The following PHF24 variants were observed in gnomAD, a reference collection of about 807,000 sequenced individuals.
The protein encoded by PHF24 is Galpha inhibitory interacting protein.
A neutral mutation model predicts 42.6 loss-of-function variants in PHF24; 25 were observed. The ratio of observed to expected loss-of-function variants is 0.59; its 90% CI spans 0.43 to 0.82. The LOEUF (loss-of-function observed/expected upper bound fraction) is 0.82. Among genes scored for constraint, PHF24 ranks in the 40% least tolerant of loss-of-function variants. PHF24 has a pLI of 0.00. For missense variants in PHF24, 470 were observed against 538.1 expected (o/e 0.87, Z 1.25); for synonymous variants, 185 against 204.8 (o/e 0.90, Z 0.83).
the PHF24 span, among the ~76,000 whole-genome samples, chr9:34,765,527 G>A: frequency 3.4e-3 from 504 of 149,756 alleles, 6 homozygotes; most frequent in African/African-American, 0.011. Flanking sequence ...TGCAACCCCT[G>A]CCTTTTTTTG....
At chr9:34,668,693 A>G in the PHF24 span, among the ~76,000 whole-genome samples, 1 of 152,336 alleles carries the variant, frequency 6.6e-6, no homozygotes, top group Admixed American at 6.5e-5. Context: ...AGAAAAAGCT[A>G]CATACCTCCC....
the PHF24 span, among the ~76,000 whole-genome samples, chr9:34,902,017 T>A: frequency 6.6e-6 from 1 of 152,182 alleles, no homozygotes; most frequent in Admixed American, 6.5e-5. Context: ...AAATTTTCCC[T>A]AGTAAAAAGA....
rs188967586 is a variant in PHF24 at position 34,975,314 on chromosome 9, G to A, written c.565-838G>A. 1.2e-4 allele frequency among the ~76,000 whole-genome samples: 19 copies of A among 152,310 alleles called. No individual in the cohort carries two copies. In the East Asian group the frequency reaches 3.7e-3, roughly 29 times the overall value. On this transcript the variant is annotated intron_variant, in intron 3 of 7. Coordinates refer to ENST00000242315, the Ensembl canonical transcript of PHF24. ...GCGCCCAGTGTTTACTAGGTGCTCA[G>A]TAGGTGTTTATTGAAAGTATGGTTT... is the stretch of plus-strand genomic sequence containing the variant.
chr9:34,709,367 C>T, the PHF24 span: 1 of 1,604,606 alleles, frequency 6.2e-7, no homozygotes, highest in Non-Finnish European at 8.5e-7. Flanking sequence ...CTGGTGGGGT[C>T]TCCAGGGCTC....
chr9:34,691,906 C>T, the PHF24 span, among the ~76,000 whole-genome samples: 1 of 152,194 alleles, frequency 6.6e-6, no homozygotes, highest in Non-Finnish European at 1.5e-5. Flanking sequence ...TGTCCAACAC[C>T]TGGGTCAAAG....
exon 2 of PHF24, chr9:34,971,598 A>T: frequency 6.2e-7 from 1 of 1,613,738 alleles, no homozygotes; most frequent in Non-Finnish European, 8.5e-7. Context: ...GTCGATTCAC[A>T]CCCCCTGCGT....
At chr9:34,769,707 T>C in the PHF24 span, among the ~76,000 whole-genome samples, 1 of 152,182 alleles carries the variant, frequency 6.6e-6, no homozygotes, top group African/African-American at 2.4e-5. Context: ...ATGGTACTTA[T>C]GCATAAACTG....
the PHF24 span, among the ~76,000 whole-genome samples, chr9:34,781,478 A>G: frequency 1.3e-5 from 2 of 152,196 alleles, no homozygotes; most frequent in African/African-American, 4.8e-5. Context: ...CTTAAAGGAA[A>G]CAGAGTTTTT....
exon 8 of PHF24, chr9:34,979,691 G>C (rs1827325271): frequency 3.3e-5 from 5 of 152,240 alleles, no homozygotes; most frequent in African/African-American, 1.2e-4. Flanking sequence ...AATGTTTCGA[G>C]GAAAGCAAGG....
At chr9:34,981,703 C>T (rs1827395134) in exon 8 of PHF24, 2 of 151,898 alleles carry the variant, frequency 1.3e-5, no homozygotes. Flanking sequence ...TTTTACCCCT[C>T]CTCTATTTAC....
At chr9:34,800,636 C>A in the PHF24 span, among the ~76,000 whole-genome samples, 1 of 152,086 alleles carries the variant, frequency 6.6e-6, no homozygotes, top group South Asian at 2.1e-4. Flanking sequence ...CGAAACTGGA[C>A]CCCTTCCTTA....
the PHF24 span, among the ~76,000 whole-genome samples, chr9:34,712,986 T>C: frequency 2.6e-5 from 4 of 152,202 alleles, no homozygotes; most frequent in African/African-American, 9.6e-5. Context: ...TCCTATTTCT[T>C]TGTATTAGTA....
chr9:34,891,051 A>G, the PHF24 span, among the ~76,000 whole-genome samples: 2 of 152,210 alleles, frequency 1.3e-5, no homozygotes, highest in Admixed American at 6.5e-5. Context: ...AAAGAGCCAC[A>G]TAATAGAGAG....
At chr9:34,946,056 A>G in the PHF24 span, among the ~76,000 whole-genome samples, 1 of 152,346 alleles carries the variant, frequency 6.6e-6, no homozygotes, top group African/African-American at 2.4e-5. Context: ...TTCGGAGTGC[A>G]GCAGCTAGGG....
At chr9:34,700,155 C>T in the PHF24 span, among the ~76,000 whole-genome samples, 1 of 152,120 alleles carries the variant, frequency 6.6e-6, no homozygotes, top group South Asian at 2.1e-4. Flanking sequence ...GATATACAGT[C>T]AGATAATAAC....
chr9:34,869,707 G>T, the PHF24 span, among the ~76,000 whole-genome samples: 12 of 152,098 alleles, frequency 7.9e-5, no homozygotes, highest in African/African-American at 2.9e-4. Flanking sequence ...CATCTAGAGA[G>T]GTTTTTTTGT....
At chr9:34,976,510 G>C (rs766311752) in intron 4 of PHF24, 25 bp from the exon 5 acceptor site, 14 of 1,600,906 alleles carry the variant, frequency 8.7e-6, no homozygotes, top group Non-Finnish European at 8.5e-6. Context: ...GGATGGGCAT[G>C]GCTAGCACGG....
chr9:34,723,237 T>A, the PHF24 span: 1 of 1,551,134 alleles, frequency 6.4e-7, no homozygotes, highest in Non-Finnish European at 8.7e-7. Flanking sequence ...AGGAGCTAGG[T>A]TGGGTGCCCT....
At chr9:34,772,968 G>A in the PHF24 span, among the ~76,000 whole-genome samples, 1 of 151,732 alleles carries the variant, frequency 6.6e-6, no homozygotes, top group African/African-American at 2.4e-5. Context: ...GTAGCAATGA[G>A]CATATCTAGC....
Sources: allele counts gnomAD v4.1 joint callset (sites outside exome capture counted in the v4.1 genomes callset), GRCh38; gene constraint gnomAD v4.1.1; transcripts MANE v1.5; gene names NCBI Gene and HGNC (gene_info 2026-07-23, HGNC 2026-07-21).